DOP1B: variants seen among roughly 807,000 people sequenced by gnomAD.
DOP1B encodes the protein protein DOP1B.
DOP1B carries 174 observed loss-of-function variants against 233.5 expected under a neutral mutation model. That is an observed-to-expected ratio of 0.75 (90% CI 0.66 to 0.85). The LOEUF (loss-of-function observed/expected upper bound fraction) is 0.85. DOP1B is among the 40% of genes least tolerant of loss of function. The pLI is 0.00. For missense variants in DOP1B, 2,652 were observed against 2,846.6 expected, an observed-to-expected ratio of 0.93 and a Z score of 1.56; for synonymous variants, 1,190 against 1,185.6, an observed-to-expected ratio of 1.00 and a Z score of -0.08.
intron 17 of DOP1B, among the ~76,000 whole-genome samples, chr21:36,239,278 G>A (rs763721819): frequency 4.6e-5 from 7 of 152,124 alleles, no homozygotes; most frequent in Non-Finnish European, 7.4e-5. Flanking sequence ...CAGCTTTTAC[G>A]GCATGCCCCT....
In DOP1B at chr21:36,253,987, C is replaced by T. The variant is rs945544981; in HGVS notation, c.5259+78C>T. On this transcript the variant is annotated intron_variant, in intron 23 of 36. Coordinates refer to ENST00000691173, the MANE Select transcript of DOP1B (RefSeq NM_001320714.2). ...GTCATAACTCTACTTCCTTATAAAT[C>T]GTGTTTGGGAGGGAAGGATAGGTAA... 62 of 1,517,130 alleles carry T rather than the reference C, an allele frequency of 4.1e-5. No homozygotes were observed. The African/African-American group carries it at 5.4e-4, about 13-fold the overall frequency. The allele number at this position is 1,517,130 out of a possible 1,614,324, so 94.0% of individuals were successfully genotyped here. A position where few individuals can be genotyped will look rare whatever the true frequency, so the allele number is the denominator to read the frequency against.
chr21:36,250,739 C>T (rs1043381121), intron 21 of DOP1B, among the ~76,000 whole-genome samples: 3 of 152,176 alleles, frequency 2.0e-5, no homozygotes, highest in Non-Finnish European at 4.4e-5. Context: ...TGAATATAAG[C>T]CCTTCCGCAG....
intron 18 of DOP1B, 128 bp downstream of exon 18, chr21:36,240,083 T>C (rs2066876079): frequency 1.8e-6 from 2 of 1,141,824 alleles, no homozygotes; most frequent in South Asian, 1.7e-5. Flanking sequence ...CTTTGTAAAT[T>C]GTGAGGACTT....
chr21:36,196,521 CT>C (rs56758201), intron 2 of DOP1B, among the ~76,000 whole-genome samples: 27,741 of 144,996 alleles, frequency 0.19, 2,868 homozygotes, highest in African/African-American at 0.29. Context: ...CTCCTCTGTT[CT>C]TTTTTTTTTT....
chr21:36,188,711 C>T (rs1160686571), intron 2 of DOP1B, among the ~76,000 whole-genome samples: 1 of 152,122 alleles, frequency 6.6e-6, no homozygotes, highest in Non-Finnish European at 1.5e-5. Flanking sequence ...TGGTGGGAGA[C>T]GTGCTTTTAA....
At chr21:36,199,845 A>AT (rs1443121322) in intron 3 of DOP1B, among the ~76,000 whole-genome samples, 1 of 152,182 alleles carries the variant, frequency 6.6e-6, no homozygotes, top group Non-Finnish European at 1.5e-5. Flanking sequence ...ATCGATGGAC[A>AT]TTTGGGTTGG....
intron 4 of DOP1B, among the ~76,000 whole-genome samples, chr21:36,207,831 C>T (rs114959341): frequency 3.9e-4 from 60 of 152,252 alleles, no homozygotes; most frequent in African/African-American, 1.4e-3. Flanking sequence ...GAATGTGCCT[C>T]TGCTGTTTTA....
chr21:36,288,929 C>T (rs2067520525), intron 34 of DOP1B, 116 bp from the exon 35 acceptor site: 4 of 1,455,712 alleles, frequency 2.7e-6, no homozygotes, highest in Admixed American at 2.2e-5. Context: ...TGTGAAAGGA[C>T]CAGCTATTCC....
intron 2 of DOP1B, among the ~76,000 whole-genome samples, chr21:36,168,362 A>G (rs139486571): frequency 5.0e-4 from 76 of 152,140 alleles, no homozygotes; most frequent in African/African-American, 1.6e-3. Flanking sequence ...TCAGTTTTCA[A>G]TTCTTTGGGG....
chr21:36,286,531 G>A (rs142238453), intron 32 of DOP1B, among the ~76,000 whole-genome samples: 72 of 152,010 alleles, frequency 4.7e-4, no homozygotes, highest in African/African-American at 1.7e-3. Flanking sequence ...AGCTACTCGG[G>A]AAGCTGAGGC....
At chr21:36,216,469 G>A (rs2066560335) in intron 9 of DOP1B, among the ~76,000 whole-genome samples, 1 of 152,042 alleles carries the variant, frequency 6.6e-6, no homozygotes, top group Non-Finnish European at 1.5e-5. Flanking sequence ...AAATTAGCCA[G>A]GCATGACAGT....
chr21:36,165,663 C>G (rs116048366), intron 2 of DOP1B, among the ~76,000 whole-genome samples: 1 of 151,960 alleles, frequency 6.6e-6, no homozygotes, highest in Non-Finnish European at 1.5e-5. Context: ...GGAGCATAAA[C>G]CCTATCGTGA....
intron 26 of DOP1B, among the ~76,000 whole-genome samples, chr21:36,267,232 A>G (rs879778896): frequency 2.6e-5 from 4 of 152,222 alleles, no homozygotes; most frequent in Admixed American, 6.5e-5. Context: ...CTGAGAGTGG[A>G]TGACTCCTCA....
At chr21:36,218,919 G>T (rs2066592267) in intron 9 of DOP1B, among the ~76,000 whole-genome samples, 2 of 152,206 alleles carry the variant, frequency 1.3e-5, no homozygotes, top group South Asian at 4.1e-4. Flanking sequence ...TGAAGAAGTT[G>T]CCCTGCTCTC....
At chr21:36,274,405 A>G (rs554331337) in intron 27 of DOP1B, among the ~76,000 whole-genome samples, 2 of 152,316 alleles carry the variant, frequency 1.3e-5, no homozygotes, top group Admixed American at 1.3e-4. Flanking sequence ...GGCTTAAGCA[A>G]TTTACCAAGG....
In DOP1B at chr21:36,245,101, G is replaced by A. The variant is rs762571576; in HGVS notation, c.3121G>A (p.Ala1041Thr). The A allele has an allele frequency of 6.2e-6, 10 of 1,612,110 alleles. No individual in the cohort carries two copies. Among genetic ancestry groups the A allele is most frequent in the Admixed American group, 5.0e-5 (3 of 59,960 alleles). Residue 1041 changes from alanine (A) to threonine (T), a missense_variant, in exon 19 of 37, where the codon GCA becomes ACA. Ala to Thr is a moderately conservative substitution (Grantham distance 58). This residue lies in a region of DOP1B where 2,617 missense variants were observed against 2,794.3 expected (regional missense o/e 0.94). Transcript: ENST00000691173. The surrounding 1 kb of genome is among the most constrained non-coding windows in gnomAD (Gnocchi z 5.5). ...RKKTSFREAC[A>T]VPEPQESGSE... ...GAAAACCTCTTTCAGAGAGGCATGCGCAGTGCCCGAGCCTCAGGAGAGCGG... is the reference window on the plus strand; with the variant it reads ...GAAAACCTCTTTCAGAGAGGCATGCACAGTGCCCGAGCCTCAGGAGAGCGG...
At chr21:36,257,919 G>A (rs2067124999) in intron 23 of DOP1B, among the ~76,000 whole-genome samples, 1 of 149,950 alleles carries the variant, frequency 6.7e-6, no homozygotes, top group African/African-American at 2.5e-5. Context: ...GTAGATAGAT[G>A]TAGGTACGTA....
chr21:36,270,007 TCTCAGGAAATCA>T lies in DOP1B; in HGVS notation c.5488_5499del (p.Glu1830_Gln1833del). On this transcript the variant is annotated splice_acceptor_variant and splice_polypyrimidine_tract_variant and coding_sequence_variant and intron_variant, in exon 27 of 37. Coordinates refer to ENST00000691173, the MANE Select transcript of DOP1B (RefSeq NM_001320714.2). LOFTEE classifies it high-confidence loss of function. ...TTCCTTTCCCCCTCCTCCTGATAAT[TCTCAGGAAATCA>T]CTCAGAAAATCCTAGAAGCTGTGGG... The T allele has an allele frequency of 6.2e-7, 1 of 1,613,930 alleles. No homozygotes were observed. Among genetic ancestry groups the T allele is most frequent in the Non-Finnish European group, 8.5e-7 (1 of 1,179,930 alleles).
chr21:36,293,233 T>G, intron 36 of DOP1B, 87 bp from the exon 37 acceptor site: 3 of 1,441,130 alleles, frequency 2.1e-6, no homozygotes, highest in Non-Finnish European at 2.8e-6. Context: ...ACCTTATTTC[T>G]TAGGTTTTGC....
Sources: allele counts gnomAD v4.1 joint callset (sites outside exome capture counted in the v4.1 genomes callset), GRCh38; gene constraint gnomAD v4.1.1; regional missense constraint gnomAD v4.1.1; non-coding constraint Gnocchi (gnomAD v3.1); transcripts MANE v1.5; gene names NCBI Gene and HGNC (gene_info 2026-07-23, HGNC 2026-07-21).